The following MPND variants were observed in gnomAD, a reference collection of about 807,000 sequenced individuals.
MPND encodes MPN domain containing.
In MPND, 56 loss-of-function variants were observed where a neutral mutation model predicts 59.2. That is an observed-to-expected ratio of 0.95 (90% CI 0.76 to 1.18). The LOEUF (loss-of-function observed/expected upper bound fraction) is 1.18, where lower values mean the gene tolerates loss of function less well. MPND is among the 50% of genes most tolerant of loss of function. MPND has a pLI of 0.00. For synonymous variants in MPND, 323 were observed against 291.9 expected (o/e 1.11, Z -1.09); for missense variants, 671 against 676.0 (o/e 0.99, Z 0.08).
In MPND at chr19:4,357,487, G is replaced by C. The variant is rs73919896; in HGVS notation, c.1166-28G>C. The C allele has an allele frequency of 5.7e-3, 9,217 of 1,611,588 alleles. 462 individuals carry two copies. In the African/African-American group the frequency reaches 0.11, roughly 18 times the overall value. On this transcript the variant is annotated intron_variant, in intron 9 of 12. Transcript: ENST00000599840. ...TGCTGGGCCAGCCGAGCCTCCCAGG[G>C]CCAACCCCTCTCCCTCTCTCCCGCC... is the stretch of plus-strand genomic sequence containing the variant.
In MPND at chr19:4,360,073, G is replaced by T; in HGVS notation, c.*71G>T. ...GGGCTCAGGTAATAAAGAAACGGAA[G>T]CAGCAGCCAGCCACGCTGGTCTCCC... On this transcript the variant is annotated 3_prime_UTR_variant, in exon 13 of 13. Transcript: ENST00000599840. The T allele has an allele frequency of 7.3e-7, 1 of 1,368,118 alleles. No homozygotes were observed. The allele number at this position is 1,368,118 out of a possible 1,614,324, so 84.7% of individuals were successfully genotyped here.
chr19:4,347,930 C>CT (rs1485391227), intron 3 of MPND: 1 of 160,954 alleles, frequency 6.2e-6, no homozygotes, highest in Non-Finnish European at 1.3e-5. Context: ...CTCGCTGTGT[C>CT]TCCCAGGCTG....
At chr19:4,344,272 C>T (rs940457445) in intron 2 of MPND, among the ~76,000 whole-genome samples, 1 of 150,872 alleles carries the variant, frequency 6.6e-6, no homozygotes, top group African/African-American at 2.4e-5. Flanking sequence ...GACTGAGGCC[C>T]GGAGCTCCCT....
chr19:4,346,066 A>C, intron 3 of MPND, 85 bp downstream of exon 3: 1 of 1,143,512 alleles, frequency 8.7e-7, no homozygotes, highest in Non-Finnish European at 1.3e-6. Context: ...TCTCCGGAGG[A>C]GGTATTAGTA....
At chr19:4,345,498 C>T (rs1972166008) in intron 2 of MPND, among the ~76,000 whole-genome samples, 2 of 152,156 alleles carry the variant, frequency 1.3e-5, no homozygotes, top group Non-Finnish European at 2.9e-5. Flanking sequence ...ACCCTATCCC[C>T]GATCTTAGGG....
chr19:4,355,041 T>A lies in MPND; in HGVS notation c.919+20T>A. 1 of 1,518,790 alleles carries A rather than the reference T, an allele frequency of 6.6e-7. No homozygotes were observed. 94.1% of individuals were successfully genotyped at this position (1,518,790 alleles called of 1,614,324 possible). Reference sequence around the variant, plus strand: ...GCCAGAGTGGGTATCCAGGGCCAGGTGGGCGGGGGCGTTGGAGGACCGGGG... The same window carrying A: ...GCCAGAGTGGGTATCCAGGGCCAGGAGGGCGGGGGCGTTGGAGGACCGGGG... On this transcript the variant is annotated intron_variant, in intron 7 of 12. Coordinates refer to ENST00000599840, the MANE Select transcript of MPND (RefSeq NM_001300862.2).
intron 12 of MPND, 85 bp from the exon 13 acceptor site, chr19:4,359,831 A>G: frequency 9.0e-7 from 1 of 1,106,328 alleles, no homozygotes; most frequent in Non-Finnish European, 1.3e-6. Context: ...CTCAGTCAGG[A>G]TGCTGGACTT....
At chr19:4,351,859 C>T (rs1217966915) in intron 3 of MPND, among the ~76,000 whole-genome samples, 1 of 39,134 alleles carries the variant, frequency 2.6e-5, no homozygotes, top group Admixed American at 2.0e-4. Context: ...GAGACTCTGT[C>T]TCAAAAAAAA....
In MPND at chr19:4,349,396, G is replaced by A. The variant is rs556234560; in HGVS notation, c.531+3415G>A. The stretch of plus-strand genomic sequence containing the variant: ...CAGTCACGATTCCTTTGCCTTGGTG[G>A]GAACTGCCTGTGGAAAGCAGTGGTG... On this transcript the variant is annotated intron_variant, in intron 3 of 12. Coordinates refer to ENST00000599840, the MANE Select transcript of MPND (RefSeq NM_001300862.2). Among the ~76,000 whole-genome samples, 11 of 152,308 alleles carry A rather than the reference G, an allele frequency of 7.2e-5. No homozygotes were observed. The South Asian group carries it at 2.1e-3, about 29-fold the overall frequency.
At position 4,354,954 on chromosome 19, in the gene MPND, CCA is replaced by C; in HGVS notation, c.855_856del (p.His285GlnfsTer7). The C allele has an allele frequency of 3.1e-6, 5 of 1,592,908 alleles. No homozygotes were observed. Among genetic ancestry groups the C allele is most frequent in the Non-Finnish European group, 3.4e-6 (4 of 1,166,786 alleles). ...GCTGTTCCTCCCTTCCCCAGGACTT[CCA>C]CAGTCACCTGACACGGAGTGAGGTC... Reference protein sequence around the residue: ...SSNVLFLLDFHSHLTRSEVVG... With the variant: ...SSNVLFLLDFXSHLTRSEVVG... On this transcript the variant is annotated frameshift_variant, in exon 7 of 13. Coordinates refer to ENST00000599840, the MANE Select transcript of MPND (RefSeq NM_001300862.2). LOFTEE classifies it high-confidence loss of function.
intron 3 of MPND, chr19:4,348,537 G>A (rs1972241352): frequency 6.6e-6 from 1 of 152,066 alleles, no homozygotes. Context: ...GAGATTATAG[G>A]CGTGAGCCAT....
intron 8 of MPND, among the ~76,000 whole-genome samples, chr19:4,355,677 GT>G (rs1972423145): frequency 6.6e-6 from 1 of 151,730 alleles, no homozygotes. Context: ...CACCATGTTG[GT>G]CAGGATGGTC....
At chr19:4,359,397 C>T (rs1362305950) in intron 12 of MPND, 142 bp downstream of exon 12, 5 of 621,414 alleles carry the variant, frequency 8.0e-6, no homozygotes, top group Non-Finnish European at 1.4e-5. Flanking sequence ...CTGGTCACCC[C>T]GTGGCCACCC....
rs997705748 is a variant in MPND, at chr19:4,343,624, AGGCGCGG to A, written c.7+35_7+41del. On this transcript the variant is annotated intron_variant, in intron 1 of 12. Coordinates refer to ENST00000599840, the MANE Select transcript of MPND (RefSeq NM_001300862.2). ...AGGTACGGCGGGCCCAGCGGGGCGG[AGGCGCGG>A]GGCGCGGGGCTGCAGGGGCGCGGGG... 1.7e-5 allele frequency: 14 copies of A among 822,364 alleles called. No individual in the cohort carries two copies. The Admixed American group carries it at 8.6e-4, about 50-fold the overall frequency. 50.9% of individuals were successfully genotyped at this position (822,364 alleles called of 1,614,324 possible). A position where few individuals can be genotyped will look rare whatever the true frequency, so the allele number is the denominator to read the frequency against.
chr19:4,352,843 G>GC (rs1972350477), intron 3 of MPND, 54 bp from the exon 4 acceptor site: 1 of 1,312,490 alleles, frequency 7.6e-7, no homozygotes, highest in Non-Finnish European at 9.8e-7. Context: ...GCAGGGAGCG[G>GC]GGGGGCACCC....
chr19:4,345,040 CTTTTTTTTTTTTT>C (rs773615575), intron 2 of MPND, among the ~76,000 whole-genome samples: 2 of 66,454 alleles, frequency 3.0e-5, no homozygotes, highest in African/African-American at 6.4e-5. Context: ...CATGCCCGGC[CTTTTTTTTTTTTT>C]TTTTTTTTTT....
chr19:4,347,867 G>T, intron 3 of MPND: 1 of 243,510 alleles, frequency 4.1e-6, no homozygotes, highest in Non-Finnish European at 8.5e-6. Context: ...CTCTGTAGCT[G>T]AATTACTTCT....
Position 4,351,386 on chromosome 19 carries a change from G to A in MPND, c.532-1511G>A, listed in dbSNP as rs577785066. 2.0e-4 allele frequency among the ~76,000 whole-genome samples: 30 copies of A among 152,214 alleles called. No individual in the cohort carries two copies. In the South Asian group the frequency reaches 5.4e-3, roughly 27 times the overall value. On this transcript the variant is annotated intron_variant, in intron 3 of 12. Coordinates refer to ENST00000599840, the MANE Select transcript of MPND (RefSeq NM_001300862.2). ...CCAAAGTGCTGGGATTGCAGGCGTG[G>A]GCCACTGTGCCCGACTGGGAGGAAA...
chr19:4,349,731 G>C (rs1972271913), intron 3 of MPND, among the ~76,000 whole-genome samples: 1 of 152,114 alleles, frequency 6.6e-6, no homozygotes, highest in Admixed American at 6.6e-5. Context: ...GGCTAGTCTT[G>C]AACTCCTGAC....
Sources: gnomAD v4.1 joint callset for allele counts (sites outside exome capture counted in the v4.1 genomes callset) on GRCh38, gnomAD v4.1.1 for gene constraint, MANE v1.5 for transcripts, NCBI Gene and HGNC (gene_info 2026-07-23, HGNC 2026-07-21) for gene names.